The following MR1 variants were observed in gnomAD, a reference collection of about 807,000 sequenced individuals.
MR1 encodes the protein major histocompatibility complex, class I-related.
A neutral mutation model predicts 37.8 loss-of-function variants in MR1; 44 were observed. The ratio of observed to expected loss-of-function variants is 1.16; its 90% CI spans 0.91 to 1.50. The LOEUF is 1.50. MR1 is among the 40% of genes most tolerant of loss of function. MR1 has a pLI of 0.00. For missense variants in MR1, 386 were observed against 419.1 expected (o/e 0.92, Z 0.69); for synonymous variants, 153 against 155.8 (o/e 0.98, Z 0.13).
chr1:181,053,456 G>A (rs1435725451), intron 4 of MR1, 117 bp from the exon 5 acceptor site: 1 of 690,708 alleles, frequency 1.4e-6, no homozygotes, highest in East Asian at 2.6e-5. Context: ...TGAGTGAGAA[G>A]CAACAGTAAG....
intron 1 of MR1, among the ~76,000 whole-genome samples, chr1:181,044,210 G>T (rs1182073875): frequency 6.6e-6 from 1 of 152,058 alleles, no homozygotes; most frequent in South Asian, 2.1e-4. Context: ...TGATCCGCCC[G>T]CGTCGGCCTC....
At position 181,052,359 on chromosome 1, in the gene MR1, T is replaced by G; in HGVS notation, c.729T>G (p.Ile243Met). 6.2e-7 allele frequency: 1 copy of G among 1,614,156 alleles called. No homozygotes were observed. The highest frequency in any genetic ancestry group is 1.1e-5 in the South Asian group (1 of 91,082). ...YMTWMKNGEEIVQEIDYGDIL... is the reference protein window; with the variant it reads ...YMTWMKNGEEMVQEIDYGDIL... ...CATGGATGAAAAACGGGGAAGAAATTGTCCAAGAAATTGATTATGGAGACA... is the reference window on the plus strand; with the variant it reads ...CATGGATGAAAAACGGGGAAGAAATGGTCCAAGAAATTGATTATGGAGACA... The change falls in exon 4 of 6, where the codon ATT (isoleucine) becomes ATG (methionine). Residue 243 changes from isoleucine to methionine, a missense_variant. Ile to Met is a conservative substitution (Grantham distance 10). Coordinates refer to ENST00000367580, the MANE Select transcript of MR1 (RefSeq NM_001385161.1).
chr1:181,045,684 G>C (rs971705077), intron 1 of MR1, among the ~76,000 whole-genome samples: 11 of 152,210 alleles, frequency 7.2e-5, no homozygotes, highest in African/African-American at 2.7e-4. Context: ...AGTCCTCACA[G>C]CCCTAGCTCG....
Position 181,056,497 on chromosome 1 carries a change from T to G in MR1, c.*1232T>G, listed in dbSNP as rs1200788621. 6.6e-6 allele frequency: 1 copy of G among 152,076 alleles called. No homozygotes were observed. The highest frequency in any genetic ancestry group is 1.5e-5 in the Non-Finnish European group (1 of 68,018). The allele number at this position is 152,076 out of a possible 1,614,324, so 9.4% of individuals were successfully genotyped here. ...GCTGGGCATGACTTGCCTTCCTACA[T>G]AGGTTGTCTTCATACATATGCACTG... On this transcript the variant is annotated 3_prime_UTR_variant, in exon 6 of 6. Coordinates refer to ENST00000367580, the MANE Select transcript of MR1 (RefSeq NM_001385161.1).
chr1:181,049,697 G>A lies in MR1; in HGVS notation c.329-314G>A, dbSNP rs543660518. 219 of 478,042 alleles carry A rather than the reference G, an allele frequency of 4.6e-4. 1 individual carries two copies. The highest frequency in any genetic ancestry group is 1.3e-3 in the Admixed American group (36 of 28,104). 29.6% of individuals were successfully genotyped at this position (478,042 alleles called of 1,614,324 possible). On this transcript the variant is annotated intron_variant, in intron 2 of 5. Coordinates refer to ENST00000367580, the MANE Select transcript of MR1 (RefSeq NM_001385161.1). ...AGTAACTTTCCCAGGGGTATTTCTG[G>A]CTCCTGCATCTCTCTCCCTCCTCCA...
At chr1:181,035,333 T>A (rs554322499) in intron 1 of MR1, among the ~76,000 whole-genome samples, 1 of 151,232 alleles carries the variant, frequency 6.6e-6, no homozygotes, top group Admixed American at 6.6e-5. Flanking sequence ...TGAGACTCCA[T>A]CTCAAAAAAA....
At chr1:181,042,724 C>T (rs548780401) in intron 1 of MR1, among the ~76,000 whole-genome samples, 123 of 152,004 alleles carry the variant, frequency 8.1e-4, no homozygotes, top group African/African-American at 2.9e-3. Context: ...GGAGAATTGC[C>T]TGAAGCAGGG....
chr1:181,034,474 A>G (rs868590478), intron 1 of MR1, among the ~76,000 whole-genome samples: 1 of 73,836 alleles, frequency 1.4e-5, no homozygotes, highest in Non-Finnish European at 2.8e-5. Flanking sequence ...AGGTTTATTT[A>G]TGTTTTTCCT....
At chr1:181,055,118 A>G in intron 5 of MR1, 107 bp from the exon 6 acceptor site, 1 of 996,482 alleles carries the variant, frequency 1.0e-6, no homozygotes, top group Non-Finnish European at 1.6e-6. Flanking sequence ...AAAGCAAGCT[A>G]AAACTGTCGA....
chr1:181,058,705 A>G lies in MR1; in HGVS notation c.*3440A>G, dbSNP rs6686208. 105,394 of 152,330 alleles carry G rather than the reference A, an allele frequency of 0.69. 37,397 individuals carry two copies. The highest frequency in any genetic ancestry group is 0.92 in the East Asian group (4,762 of 5,190). 9.4% of individuals were successfully genotyped at this position (152,330 alleles called of 1,614,324 possible). A position where few individuals can be genotyped will look rare whatever the true frequency, so the allele number is the denominator to read the frequency against. ...CAGCTGATCATTTTCTGCCAGAGTC[A>G]CACAGAGCAGTCACACCTTATTTTG... On this transcript the variant is annotated 3_prime_UTR_variant, in exon 6 of 6. Transcript: ENST00000367580.
intron 1 of MR1, among the ~76,000 whole-genome samples, chr1:181,048,665 G>A (rs1044234687): frequency 1.3e-5 from 2 of 152,180 alleles, no homozygotes; most frequent in Non-Finnish European, 2.9e-5. Context: ...AGAAGGCTGC[G>A]TCATCAGGGT....
At chr1:181,048,053 T>C (rs532610557) in intron 1 of MR1, among the ~76,000 whole-genome samples, 28 of 149,748 alleles carry the variant, frequency 1.9e-4, no homozygotes, top group African/African-American at 6.6e-4. Context: ...CTGTCTCTAC[T>C]AAAAATACAA....
At chr1:181,049,502 A>G in intron 2 of MR1, 190 bp downstream of exon 2, 1 of 662,490 alleles carries the variant, frequency 1.5e-6, no homozygotes, top group African/African-American at 1.8e-5. Context: ...TCTCTCCCCC[A>G]GGAGCACTCT....
intron 5 of MR1, 54 bp from the exon 6 acceptor site, chr1:181,055,171 T>G: frequency 6.4e-7 from 1 of 1,560,966 alleles, no homozygotes; most frequent in Non-Finnish European, 8.8e-7. Flanking sequence ...TACTTTATTT[T>G]TGAGCTGTGA....
chr1:181,052,947 A>G (rs1658402549), intron 4 of MR1, among the ~76,000 whole-genome samples: 1 of 151,826 alleles, frequency 6.6e-6, no homozygotes, highest in Non-Finnish European at 1.5e-5. Flanking sequence ...CATGCCTGTA[A>G]TCCCAGCTCC....
chr1:181,053,264 C>T (rs142533127), intron 4 of MR1, among the ~76,000 whole-genome samples: 2 of 151,840 alleles, frequency 1.3e-5, no homozygotes, highest in Non-Finnish European at 2.9e-5. Context: ...CGCCTGTAGT[C>T]CCAGCTACTG....
chr1:181,053,699 T>G (rs1658453031), intron 5 of MR1, 22 bp downstream of exon 5: 2 of 1,520,440 alleles, frequency 1.3e-6, no homozygotes, highest in Admixed American at 3.3e-5. Flanking sequence ...ATGGAAGGGA[T>G]CCAGGGGGCT....
intron 1 of MR1, among the ~76,000 whole-genome samples, chr1:181,038,682 G>A (rs1321581253): frequency 6.6e-6 from 1 of 152,242 alleles, no homozygotes; most frequent in East Asian, 1.9e-4. Flanking sequence ...CCCTACACTA[G>A]GGAGGGTTGG....
At chr1:181,034,625 A>G (rs1424722401) in intron 1 of MR1, among the ~76,000 whole-genome samples, 1 of 152,158 alleles carries the variant, frequency 6.6e-6, no homozygotes, top group Non-Finnish European at 1.5e-5. Context: ...CTGGGGAAGC[A>G]AATGCCTTCT....
Sources: gnomAD v4.1 joint callset for allele counts (sites outside exome capture counted in the v4.1 genomes callset) on GRCh38, gnomAD v4.1.1 for gene constraint, MANE v1.5 for transcripts, NCBI Gene and HGNC (gene_info 2026-07-23, HGNC 2026-07-21) for gene names.